The following FHOD3 variants were observed in gnomAD, a reference collection of about 807,000 sequenced individuals.
The protein encoded by FHOD3 is formin homology 2 domain containing 3.
Under a neutral mutation model 173.0 loss-of-function variants are expected in FHOD3, and 90 were observed. The ratio of observed to expected loss-of-function variants is 0.52; its 90% CI spans 0.44 to 0.62. FHOD3 has a LOEUF of 0.62. Ranked by LOEUF, FHOD3 falls within the 20% of genes least tolerant of loss-of-function variation. The probability of loss-of-function intolerance (pLI) is 0.00; values close to 1 mark genes in which losing one functional copy is unlikely to be tolerated. For synonymous variants in FHOD3, 828 were observed against 823.0 expected (o/e 1.01, Z -0.10); for missense variants, 1,945 against 2,034.7 (o/e 0.96, Z 0.85).
chr18:36,325,885 G>C (rs1030750221), intron 1 of FHOD3, among the ~76,000 whole-genome samples: 3 of 152,228 alleles, frequency 2.0e-5, no homozygotes, highest in African/African-American at 7.2e-5. Context: ...CAGTGCAGAA[G>C]GCTTCTTTGA....
chr18:36,466,389 G>T (rs2052940520), intron 3 of FHOD3, among the ~76,000 whole-genome samples: 1 of 152,202 alleles, frequency 6.6e-6, no homozygotes, highest in South Asian at 2.1e-4. Context: ...CTAGGCAGCT[G>T]TTGCTCAAAT....
At chr18:36,380,620 T>A (rs1598904498) in intron 3 of FHOD3, among the ~76,000 whole-genome samples, 1 of 148,700 alleles carries the variant, frequency 6.7e-6, no homozygotes, top group East Asian at 2.0e-4. Flanking sequence ...TTCCTTTCCT[T>A]TCCTTTCCTT....
At chr18:36,593,253 A>G (rs1178524031) in intron 6 of FHOD3, among the ~76,000 whole-genome samples, 1 of 152,200 alleles carries the variant, frequency 6.6e-6, no homozygotes, top group East Asian at 1.9e-4. Flanking sequence ...TGGAAGTCCT[A>G]TCATATTGGG....
chr18:36,436,669 A>G (rs1229204278), intron 3 of FHOD3, among the ~76,000 whole-genome samples: 2 of 152,228 alleles, frequency 1.3e-5, no homozygotes, highest in South Asian at 2.1e-4. Context: ...TTTTTTTACC[A>G]AAAATGATCT....
intron 28 of FHOD3, among the ~76,000 whole-genome samples, chr18:36,773,554 A>G (rs1289571432): frequency 6.6e-6 from 1 of 152,156 alleles, no homozygotes; most frequent in Non-Finnish European, 1.5e-5. Context: ...TGTATCAGTT[A>G]TCTTTTGTAC....
In FHOD3 at chr18:36,652,908, C is replaced by T; in HGVS notation, c.1625C>T (p.Ala542Val). 1.3e-6 allele frequency: 2 copies of T among 1,533,640 alleles called. No individual in the cohort carries two copies. The highest frequency in any genetic ancestry group is 2.4e-5 in the East Asian group (1 of 40,868). The change falls in exon 12 of 29, where the codon GCA (alanine) becomes GTA (valine). Residue 542 changes from alanine (A) to valine (V), a missense_variant. By Grantham distance (64) the Ala-to-Val change is moderately conservative. Coordinates refer to ENST00000590592, the MANE Select transcript of FHOD3 (RefSeq NM_001281740.3). Reference protein sequence around the residue: ...DSSLSTKEKEAESQKENSSSD... With the variant: ...DSSLSTKEKEVESQKENSSSD... ...TCCCTGTCCACCAAGGAGAAGGAAG[C>T]AGAGTCCCAGAAGGAAAACAGGTAG...
chr18:36,325,927 C>T (rs1438248595), intron 1 of FHOD3, among the ~76,000 whole-genome samples: 2 of 152,164 alleles, frequency 1.3e-5, no homozygotes, highest in East Asian at 1.9e-4. Context: ...AGAATCTGAA[C>T]GAGAAGTTTT....
In FHOD3 at chr18:36,652,886, C is replaced by T. The variant is rs1200780545; in HGVS notation, c.1603C>T (p.Leu535=). Residue 535 remains leucine (L), a synonymous_variant, in exon 12 of 29, where the codon CTG becomes TTG. Coordinates refer to ENST00000590592, the MANE Select transcript of FHOD3 (RefSeq NM_001281740.3). ...CTCCTATGACTTTGAGGACTCCTCC[C>T]TGTCCACCAAGGAGAAGGAAGCAGA... ...LFSYDFEDSS[L]STKEKEAESQ... 7 of 1,535,646 alleles carry T rather than the reference C, an allele frequency of 4.6e-6. No homozygotes were observed. The East Asian group carries it at 1.7e-4, about 38-fold the overall frequency.
intron 3 of FHOD3, among the ~76,000 whole-genome samples, chr18:36,460,998 G>A (rs983679726): frequency 3.3e-5 from 5 of 152,154 alleles, no homozygotes; most frequent in South Asian, 4.1e-4. Context: ...CAAGACCTTC[G>A]GAGCGGTGCA....
chr18:36,590,953 C>T (rs1293864303), intron 6 of FHOD3, among the ~76,000 whole-genome samples: 1 of 152,188 alleles, frequency 6.6e-6, no homozygotes, highest in African/African-American at 2.4e-5. Flanking sequence ...TTGCTGAGAC[C>T]AGCTAATGGG....
At chr18:36,476,793 G>A (rs2053599576) in intron 3 of FHOD3, among the ~76,000 whole-genome samples, 1 of 152,188 alleles carries the variant, frequency 6.6e-6, no homozygotes, top group East Asian at 1.9e-4. Flanking sequence ...TCCAAACTGG[G>A]TATAGTCAAT....
Position 36,435,982 on chromosome 18 carries a change from T to C in FHOD3, c.337+63238T>C, listed in dbSNP as rs1031924219. 4.6e-5 allele frequency among the ~76,000 whole-genome samples: 7 copies of C among 152,178 alleles called. No individual in the cohort carries two copies. The East Asian group carries it at 1.4e-3, about 29-fold the overall frequency. ...TAAAGAGCTTTTAACAGAATGCAAA[T>C]CAGTGCACTCCTTCCTTCACTGAGA... is the stretch of plus-strand genomic sequence containing the variant. On this transcript the variant is annotated intron_variant, in intron 3 of 28. Transcript: ENST00000590592.
chr18:36,663,939 T>G (rs499715), intron 14 of FHOD3, among the ~76,000 whole-genome samples: 107,900 of 151,986 alleles, frequency 0.71, 38,658 homozygotes, highest in East Asian at 0.81. Context: ...ATCATTTCCT[T>G]CCCTGACCTC....
intron 5 of FHOD3, among the ~76,000 whole-genome samples, chr18:36,515,809 C>T (rs990282191): frequency 1.2e-4 from 18 of 152,214 alleles, no homozygotes; most frequent in African/African-American, 4.3e-4. Flanking sequence ...CCAGAAGGCT[C>T]CCCATGCATT....
chr18:36,398,650 T>C (rs959198520), intron 3 of FHOD3, among the ~76,000 whole-genome samples: 10 of 152,224 alleles, frequency 6.6e-5, no homozygotes, highest in Admixed American at 5.2e-4. Context: ...GCTGTATGGT[T>C]GGTGCCCTGT....
chr18:36,573,699 T>C (rs555116899), intron 5 of FHOD3, among the ~76,000 whole-genome samples: 2 of 152,244 alleles, frequency 1.3e-5, no homozygotes, highest in Non-Finnish European at 2.9e-5. Flanking sequence ...ACTTGCTTTT[T>C]ACTTATTTTA....
At chr18:36,745,091 G>A (rs1002322601) in intron 23 of FHOD3, among the ~76,000 whole-genome samples, 1 of 152,028 alleles carries the variant, frequency 6.6e-6, no homozygotes. Flanking sequence ...GATGTGGGTT[G>A]GCTGCTGAGG....
At chr18:36,438,613 G>A (rs966977756) in intron 3 of FHOD3, among the ~76,000 whole-genome samples, 15 of 152,250 alleles carry the variant, frequency 9.9e-5, no homozygotes, top group Non-Finnish European at 1.6e-4. Context: ...AAACCTGTGG[G>A]CAGTCACCCG....
intron 10 of FHOD3, among the ~76,000 whole-genome samples, chr18:36,627,215 T>C (rs2034176581): frequency 6.6e-6 from 1 of 152,116 alleles, no homozygotes; most frequent in African/African-American, 2.4e-5. Context: ...GAAGTTAACA[T>C]GAAGAGAATT....
Sources: gnomAD v4.1 joint callset for allele counts (sites outside exome capture counted in the v4.1 genomes callset) on GRCh38, gnomAD v4.1.1 for gene constraint, MANE v1.5 for transcripts, NCBI Gene and HGNC (gene_info 2026-07-23, HGNC 2026-07-21) for gene names.